The following ENOX1 variants were observed in gnomAD, a reference collection of about 807,000 sequenced individuals.
ENOX1 encodes the protein ecto-NOX disulfide-thiol exchanger 1.
A neutral mutation model predicts 82.5 loss-of-function variants in ENOX1; 42 were observed. The observed-to-expected ratio is 0.51, with a 90% CI of 0.40 to 0.66. ENOX1 has a LOEUF of 0.66. ENOX1 is among the 30% of genes least tolerant of loss of function. ENOX1 has a pLI of 0.00. For synonymous variants in ENOX1, 271 were observed against 282.2 expected, an observed-to-expected ratio of 0.96 and a Z score of 0.40; for missense variants, 608 against 811.6, an observed-to-expected ratio of 0.75 and a Z score of 3.05.
intron 1 of ENOX1, among the ~76,000 whole-genome samples, chr13:43,761,065 C>T (rs1470985803): frequency 1.3e-5 from 2 of 151,972 alleles, no homozygotes; most frequent in Non-Finnish European, 2.9e-5. Context: ...GAAGCTGAGA[C>T]CACCAAGATT....
chr13:43,508,307 T>C (rs560706347), intron 2 of ENOX1, among the ~76,000 whole-genome samples: 1 of 152,114 alleles, frequency 6.6e-6, no homozygotes, highest in East Asian at 1.9e-4. Context: ...TCCTCTTCTA[T>C]GTGAGGATGC....
intron 2 of ENOX1, among the ~76,000 whole-genome samples, chr13:43,617,617 T>C (rs924437698): frequency 6.6e-6 from 1 of 152,254 alleles, no homozygotes; most frequent in Non-Finnish European, 1.5e-5. Flanking sequence ...CTTTATCCAC[T>C]TGTTGACTGA....
chr13:43,732,171 G>A (rs931610506), intron 1 of ENOX1, among the ~76,000 whole-genome samples: 1 of 152,142 alleles, frequency 6.6e-6, no homozygotes, highest in African/African-American at 2.4e-5. Context: ...ATATTTATGG[G>A]GTTGATTCTT....
intron 15 of ENOX1, among the ~76,000 whole-genome samples, chr13:43,233,864 C>A (rs1196944425): frequency 6.6e-6 from 1 of 152,070 alleles, no homozygotes; most frequent in Non-Finnish European, 1.5e-5. Flanking sequence ...ACTTTTGTGT[C>A]CTCTCTACTG....
intron 2 of ENOX1, among the ~76,000 whole-genome samples, chr13:43,658,491 G>A (rs1365605599): frequency 6.6e-6 from 1 of 152,100 alleles, no homozygotes; most frequent in Non-Finnish European, 1.5e-5. Context: ...GAATCATGTA[G>A]TGTTCTATGA....
At chr13:43,523,463 G>A (rs993120330) in intron 2 of ENOX1, among the ~76,000 whole-genome samples, 4 of 152,192 alleles carry the variant, frequency 2.6e-5, no homozygotes, top group African/African-American at 9.6e-5. Context: ...CTAAAGAGAA[G>A]ATGCGAGGAG....
intron 14 of ENOX1, among the ~76,000 whole-genome samples, chr13:43,252,570 T>C (rs1305422288): frequency 1.3e-5 from 2 of 152,246 alleles, no homozygotes; most frequent in Non-Finnish European, 2.9e-5. Flanking sequence ...GTCTTTTCCT[T>C]TGGGCAACAG....
chr13:43,390,415 A>G (rs187548739), intron 5 of ENOX1, among the ~76,000 whole-genome samples: 1 of 152,126 alleles, frequency 6.6e-6, no homozygotes, highest in African/African-American at 2.4e-5. Context: ...AAAATTTAGT[A>G]AGTTTATAAA....
intron 2 of ENOX1, among the ~76,000 whole-genome samples, chr13:43,601,455 T>C (rs1488233923): frequency 6.6e-6 from 1 of 151,766 alleles, no homozygotes; most frequent in Non-Finnish European, 1.5e-5. Context: ...AAAGAATTAG[T>C]GACCTTGGAG....
At chr13:43,377,825 C>A (rs1175716081) in intron 5 of ENOX1, among the ~76,000 whole-genome samples, 1 of 152,116 alleles carries the variant, frequency 6.6e-6, no homozygotes, top group Non-Finnish European at 1.5e-5. Flanking sequence ...CCAGAGCTGT[C>A]AATGATAAAA....
intron 2 of ENOX1, among the ~76,000 whole-genome samples, chr13:43,504,990 T>A (rs145128570): frequency 1.1e-4 from 16 of 151,920 alleles, no homozygotes; most frequent in Admixed American, 1.1e-3. Context: ...TTTAAAAAGA[T>A]CAATATCCAA....
At position 43,252,128 on chromosome 13, in the gene ENOX1, C is replaced by A. The variant is rs1376085631; in HGVS notation, c.1611+13270G>T. Among the ~76,000 whole-genome samples the A allele has an allele frequency of 5.3e-5, 8 of 152,264 alleles. No individual in the cohort carries two copies. The South Asian group carries it at 1.7e-3, about 32-fold the overall frequency. On this transcript the variant is annotated intron_variant, in intron 14 of 16. Coordinates refer to ENST00000690772, the MANE Select transcript of ENOX1 (RefSeq NM_001347969.2). ...GTCTCAAACATAAGTAGCTCACCAG[C>A]GTACACTGAACAGTCTGGAAATTGT...
chr13:43,744,681 C>T (rs963116180), intron 1 of ENOX1, among the ~76,000 whole-genome samples: 14 of 152,174 alleles, frequency 9.2e-5, no homozygotes, highest in Admixed American at 6.5e-5. Flanking sequence ...TGTACATCTC[C>T]GCTAGTGCTT....
chr13:43,487,543 G>C (rs1336705288), intron 2 of ENOX1, among the ~76,000 whole-genome samples: 1 of 152,186 alleles, frequency 6.6e-6, no homozygotes, highest in Non-Finnish European at 1.5e-5. Flanking sequence ...GCTACCAAGA[G>C]AGGTACACGA....
intron 2 of ENOX1, among the ~76,000 whole-genome samples, chr13:43,538,753 T>G (rs1445711317): frequency 2.0e-5 from 3 of 152,214 alleles, no homozygotes; most frequent in Admixed American, 2.0e-4. Flanking sequence ...GGCTATAGTT[T>G]TAGTCTCTTC....
At chr13:43,384,979 T>C (rs1241468791) in intron 5 of ENOX1, among the ~76,000 whole-genome samples, 1 of 152,112 alleles carries the variant, frequency 6.6e-6, no homozygotes, top group Non-Finnish European at 1.5e-5. Context: ...GAGAAGGATA[T>C]TGTGTAGAAA....
At chr13:43,670,379 T>C (rs1034352423) in intron 1 of ENOX1, among the ~76,000 whole-genome samples, 2 of 152,170 alleles carry the variant, frequency 1.3e-5, no homozygotes, top group Non-Finnish European at 2.9e-5. Context: ...ATATGAACTA[T>C]GAACGAAACT....
intron 5 of ENOX1, among the ~76,000 whole-genome samples, chr13:43,403,274 A>T (rs1281275885): frequency 6.6e-6 from 1 of 152,106 alleles, no homozygotes; most frequent in African/African-American, 2.4e-5. Flanking sequence ...AGGATGAAAA[A>T]ATTTTTATAT....
At position 43,716,880 on chromosome 13, in the gene ENOX1, C is replaced by A. The variant is rs146757246; in HGVS notation, c.-284-49336G>T. Among the ~76,000 whole-genome samples, 437 of 151,748 alleles carry A rather than the reference C, an allele frequency of 2.9e-3. 5 individuals carry two copies. Among genetic ancestry groups the A allele is most frequent in the African/African-American group, 0.01 (420 of 41,438 alleles). ...ACTACAAAACACTGCTGAAAGAAAT[C>A]AGAGATGAAACAAATAAATGGAAAA... On this transcript the variant is annotated intron_variant, in intron 1 of 16. Transcript: ENST00000690772.
Sources: gnomAD v4.1 joint callset for allele counts (sites outside exome capture counted in the v4.1 genomes callset) on GRCh38, gnomAD v4.1.1 for gene constraint, MANE v1.5 for transcripts, NCBI Gene and HGNC (gene_info 2026-07-23, HGNC 2026-07-21) for gene names.